Variants in EYA3 observed in about 807,000 individuals in gnomAD.
EYA3 encodes protein phosphatase EYA3.
Under a neutral mutation model 80.0 loss-of-function variants are expected in EYA3, and 39 were observed. That is an observed-to-expected ratio of 0.49 (90% CI 0.38 to 0.64). EYA3 has a LOEUF of 0.64. Among genes scored for constraint, EYA3 ranks in the 30% least tolerant of loss-of-function variants. The pLI is 0.00. For synonymous variants in EYA3, 206 were observed against 232.8 expected, an observed-to-expected ratio of 0.88 and a Z score of 1.05; for missense variants, 523 against 676.1, an observed-to-expected ratio of 0.77 and a Z score of 2.51.
At chr1:27,979,546 A>G (rs1318967841) in intron 16 of EYA3, among the ~76,000 whole-genome samples, 2 of 152,228 alleles carry the variant, frequency 1.3e-5, no homozygotes, top group Non-Finnish European at 2.9e-5. Context: ...CCCATCTGCA[A>G]CCAACACCTA....
Position 28,039,404 on chromosome 1 carries a change from G to A in EYA3, c.158-499C>T, listed in dbSNP as rs574442806. 1.2e-4 allele frequency among the ~76,000 whole-genome samples: 19 copies of A among 152,294 alleles called. No homozygotes were observed. The East Asian group carries it at 3.3e-3, about 26-fold the overall frequency. ...CTACTGCTATGCATAATCAACAGCAGAATAGATGCAAGTATGCTTCTATAC... is the reference window on the plus strand; with the variant it reads ...CTACTGCTATGCATAATCAACAGCAAAATAGATGCAAGTATGCTTCTATAC... On this transcript the variant is annotated intron_variant, in intron 4 of 17. Coordinates refer to ENST00000373871, the MANE Select transcript of EYA3 (RefSeq NM_001990.4).
chr1:27,974,527 CT>C lies in EYA3; in HGVS notation c.1660del (p.Arg554GlyfsTer8). On this transcript the variant is annotated frameshift_variant, in exon 18 of 18. Coordinates refer to ENST00000373871, the MANE Select transcript of EYA3 (RefSeq NM_001990.4). LOFTEE classifies it high-confidence loss of function. ...TACTAGGTCTCCATGGTTTGTGATC[CT>C]CCAGAAAGGCATGTTGTGCTGGAAG... ...AAKQHNMPFW[R>X]ITNHGDLVSL... is the part of the protein sequence containing the mutation. 1 of 1,612,782 alleles carries C rather than the reference CT, an allele frequency of 6.2e-7. No individual in the cohort carries two copies. Among genetic ancestry groups the C allele is most frequent in the Non-Finnish European group, 8.5e-7 (1 of 1,178,944 alleles).
At chr1:28,012,239 C>G (rs565341283) in intron 9 of EYA3, among the ~76,000 whole-genome samples, 52 of 152,240 alleles carry the variant, frequency 3.4e-4, no homozygotes, top group Admixed American at 1.5e-3. Flanking sequence ...CAACTTTTCT[C>G]TATGTTTGAA....
chr1:28,050,894 T>C (rs1309664462), intron 2 of EYA3, among the ~76,000 whole-genome samples: 1 of 152,218 alleles, frequency 6.6e-6, no homozygotes, highest in African/African-American at 2.4e-5. Flanking sequence ...TTCCTGGTTG[T>C]TAAGAGAAAT....
intron 3 of EYA3, among the ~76,000 whole-genome samples, chr1:28,046,436 G>A (rs1442062261): frequency 1.3e-5 from 2 of 152,236 alleles, no homozygotes; most frequent in East Asian, 1.9e-4. Flanking sequence ...TTTGGTGAGA[G>A]AAGGGAGATG....
In EYA3 at chr1:28,011,114, G is replaced by T. The variant is rs753371934; in HGVS notation, c.770-28C>A. 6 of 1,605,078 alleles carry T rather than the reference G, an allele frequency of 3.7e-6. No homozygotes were observed. In the South Asian group the frequency reaches 6.7e-5, roughly 18 times the overall value. On this transcript the variant is annotated intron_variant, in intron 9 of 17. Coordinates refer to ENST00000373871, the MANE Select transcript of EYA3 (RefSeq NM_001990.4). The stretch of plus-strand genomic sequence containing the variant: ...GGAAAGAAAAAGTGAAACATATGTT[G>T]TCAGGAGTCACAGGCTATAAGAATC...
At chr1:28,034,795 T>C (rs541493686) in intron 6 of EYA3, among the ~76,000 whole-genome samples, 99 of 152,314 alleles carry the variant, frequency 6.5e-4, no homozygotes, top group Non-Finnish European at 1.1e-3. Flanking sequence ...TATAGAAATA[T>C]AATTTTGTTA....
At position 28,000,045 on chromosome 1, in the gene EYA3, G is replaced by C; in HGVS notation, c.998C>G (p.Pro333Arg). The change falls in exon 12 of 18, where the codon CCA becomes CGA. Residue 333 changes from proline to arginine, a missense_variant. By Grantham distance (103) the Pro-to-Arg change is moderately radical. This residue lies in a region of EYA3 where 219 missense variants were observed against 332.8 expected (regional missense o/e 0.66). Coordinates refer to ENST00000373871, the MANE Select transcript of EYA3 (RefSeq NM_001990.4). ...GSYAQKYGKD[P>R]TVVIGSGLTM... ...TAAACCTGAGCCAATCACTACTGTT[G>C]GGTCCTAGAAGACAATAAGAAAAAA... The C allele has an allele frequency of 6.2e-7, 1 of 1,605,186 alleles. No homozygotes were observed. Among genetic ancestry groups the C allele is most frequent in the East Asian group, 2.3e-5 (1 of 44,366 alleles).
intron 10 of EYA3, among the ~76,000 whole-genome samples, chr1:28,005,807 A>G (rs1190010977): frequency 6.6e-6 from 1 of 152,118 alleles, no homozygotes; most frequent in Non-Finnish European, 1.5e-5. Flanking sequence ...AGCATATTAA[A>G]AGAATTAAAC....
At chr1:27,989,671 G>A (rs1639901652) in intron 15 of EYA3, 26 bp downstream of exon 15, 1 of 1,437,846 alleles carries the variant, frequency 7.0e-7, no homozygotes, top group Non-Finnish European at 9.7e-7. Flanking sequence ...CTGAGAGGAT[G>A]AGACCTAAAA....
At chr1:28,077,440 A>C (rs1218085649) in intron 1 of EYA3, among the ~76,000 whole-genome samples, 1 of 152,210 alleles carries the variant, frequency 6.6e-6, no homozygotes, top group African/African-American at 2.4e-5. Flanking sequence ...GATGTGTTCC[A>C]AAGGAAAAAT....
chr1:28,065,359 G>A (rs535673421), intron 1 of EYA3, among the ~76,000 whole-genome samples: 51 of 152,060 alleles, frequency 3.4e-4, no homozygotes, highest in Admixed American at 1.5e-3. Flanking sequence ...TGCAACCTCC[G>A]CCTCCTGGGT....
chr1:28,033,451 T>A (rs975111366), intron 6 of EYA3, among the ~76,000 whole-genome samples: 17 of 152,084 alleles, frequency 1.1e-4, no homozygotes, highest in African/African-American at 4.1e-4. Context: ...AGCTAATGAT[T>A]ATCTCTTTCT....
chr1:28,002,668 C>A (rs1408198063), intron 11 of EYA3, among the ~76,000 whole-genome samples: 1 of 151,744 alleles, frequency 6.6e-6, no homozygotes, highest in South Asian at 2.1e-4. Context: ...CAAAATTAGC[C>A]GGGTATGGTG....
chr1:28,056,957 A>G (rs925408946), intron 2 of EYA3, among the ~76,000 whole-genome samples: 12 of 152,158 alleles, frequency 7.9e-5, no homozygotes, highest in Non-Finnish European at 7.4e-5. Context: ...TGCTCAAGAT[A>G]ATTTTTAACC....
rs138031829 is a variant in EYA3, at chr1:28,065,307, C to T, written c.-68-7213G>A. On this transcript the variant is annotated intron_variant, in intron 1 of 17. Coordinates refer to ENST00000373871, the MANE Select transcript of EYA3 (RefSeq NM_001990.4). ...CTTTCTTTTTGAGATGGAGTCTCTC[C>T]CTGTCACCAGGCTGGAGTGCAGTGG... Among the ~76,000 whole-genome samples, 13 of 152,124 alleles carry T rather than the reference C, an allele frequency of 8.5e-5. No homozygotes were observed. The East Asian group carries it at 2.5e-3, about 30-fold the overall frequency.
chr1:28,028,509 T>C (rs1393013835), intron 6 of EYA3, among the ~76,000 whole-genome samples: 1 of 152,054 alleles, frequency 6.6e-6, no homozygotes, highest in Non-Finnish European at 1.5e-5. Context: ...TACAGTCATA[T>C]ATAATCCCAT....
chr1:28,078,702 G>A (rs1158646987), intron 1 of EYA3, among the ~76,000 whole-genome samples: 1 of 152,052 alleles, frequency 6.6e-6, no homozygotes, highest in Non-Finnish European at 1.5e-5. Flanking sequence ...GCACCACCAT[G>A]CCCAGGTAAT....
At chr1:28,012,078 T>A (rs1228624651) in intron 9 of EYA3, among the ~76,000 whole-genome samples, 2 of 152,198 alleles carry the variant, frequency 1.3e-5, no homozygotes, top group Admixed American at 1.3e-4. Flanking sequence ...ATTGTGGTTA[T>A]GTTAATAAGT....
Sources: allele counts gnomAD v4.1 joint callset (sites outside exome capture counted in the v4.1 genomes callset), GRCh38; gene constraint gnomAD v4.1.1; regional missense constraint gnomAD v4.1.1; transcripts MANE v1.5; gene names NCBI Gene and HGNC (gene_info 2026-07-23, HGNC 2026-07-21).